TG: variants seen among roughly 807,000 people sequenced by gnomAD.
The protein encoded by TG is thyroglobulin.
Under a neutral mutation model 324.7 loss-of-function variants are expected in TG, and 270 were observed. The observed-to-expected ratio is 0.83, with a 90% CI of 0.75 to 0.92. TG has a LOEUF of 0.92. TG is among the 40% of genes least tolerant of loss of function. The probability of loss-of-function intolerance (pLI) is 0.00; values close to 1 mark genes in which losing one functional copy is unlikely to be tolerated. For synonymous variants in TG, 1,401 were observed against 1,327.0 expected (o/e 1.06, Z -1.21); for missense variants, 3,591 against 3,456.4 (o/e 1.04, Z -0.98).
At chr8:132,893,550 G>A in intron 10 of TG, 140 bp from the exon 11 acceptor site, 1 of 1,118,804 alleles carries the variant, frequency 8.9e-7, no homozygotes, top group South Asian at 1.3e-5. Context: ...GTGTAGGGGG[G>A]TGGTGTGTAT....
intron 8 of TG, 134 bp downstream of exon 8, chr8:132,883,133 G>C: frequency 1.1e-6 from 1 of 897,084 alleles, no homozygotes; most frequent in Non-Finnish European, 1.7e-6. Flanking sequence ...AGCTCAACCT[G>C]TCTGAGAACC....
intron 16 of TG, among the ~76,000 whole-genome samples, chr8:132,901,905 T>C (rs1248365326): frequency 6.6e-6 from 1 of 152,220 alleles, no homozygotes; most frequent in Non-Finnish European, 1.5e-5. Context: ...CCATCCTCAC[T>C]GAGGCACTTC....
chr8:133,067,075 C>T (rs1045924716), intron 41 of TG, among the ~76,000 whole-genome samples: 2 of 152,156 alleles, frequency 1.3e-5, no homozygotes, highest in Non-Finnish European at 2.9e-5. Context: ...TGTGGTCTGA[C>T]CCTTCCTTTC....
intron 41 of TG, among the ~76,000 whole-genome samples, chr8:133,067,848 GAGAGAGAA>G (rs1325935011): frequency 8.1e-6 from 1 of 123,500 alleles, no homozygotes; most frequent in African/African-American, 3.5e-5. Flanking sequence ...GAGACAGAGA[GAGAGAGAA>G]AGAAAGAAAG....
intron 45 of TG, among the ~76,000 whole-genome samples, chr8:133,123,776 G>T (rs1851321372): frequency 6.6e-6 from 1 of 152,214 alleles, no homozygotes; most frequent in South Asian, 2.1e-4. Context: ...GAGAGCACCG[G>T]TTTGTTCTCT....
intron 41 of TG, chr8:133,074,966 G>A (rs950165250): frequency 1.2e-5 from 12 of 985,354 alleles, no homozygotes; most frequent in African/African-American, 5.2e-5. Context: ...ACAGGCAGCC[G>A]GGCTTCTCGC....
At chr8:132,971,951 A>C in intron 33 of TG, 78 bp downstream of exon 33, 1 of 1,044,056 alleles carries the variant, frequency 9.6e-7, no homozygotes, top group East Asian at 2.4e-5. Context: ...CTATGCTTTT[A>C]CAAATCCTCA....
chr8:133,069,974 C>T lies in TG; in HGVS notation c.7240-25070C>T, dbSNP rs547687219. On this transcript the variant is annotated intron_variant, in intron 41 of 47. Transcript: ENST00000220616. ...CGAGATTGTGCCACTGAACTTCAGT[C>T]GGGGTGACAGAGCAAGGCTCCAGCT... 1.7e-4 allele frequency among the ~76,000 whole-genome samples: 20 copies of T among 117,506 alleles called. No homozygotes were observed. The East Asian group carries it at 5.1e-3, about 30-fold the overall frequency. 77.1% of individuals were successfully genotyped at this position (117,506 alleles called of 152,430 possible).
intron 37 of TG, among the ~76,000 whole-genome samples, chr8:133,017,409 T>C (rs1835138279): frequency 6.6e-6 from 1 of 152,040 alleles, no homozygotes; most frequent in Admixed American, 6.6e-5. Context: ...TGTTTAAAGG[T>C]GGGGCTGCAC....
intron 43 of TG, among the ~76,000 whole-genome samples, chr8:133,102,104 AT>A (rs1242678355): frequency 2.0e-5 from 3 of 152,330 alleles, no homozygotes; most frequent in Admixed American, 6.5e-5. Context: ...TTTTCCCTTA[AT>A]TTTTTAATTT....
At position 132,882,467 on chromosome 8, in the gene TG, A is replaced by G. The variant is rs1271393370; in HGVS notation, c.746-2A>G. The G allele has an allele frequency of 2.5e-6, 4 of 1,614,184 alleles. No homozygotes were observed. The highest frequency in any genetic ancestry group is 3.4e-6 in the Non-Finnish European group (4 of 1,180,024). On this transcript the variant is annotated splice_acceptor_variant, in intron 6 of 47. Transcript: ENST00000220616. LOFTEE classifies it high-confidence loss of function. Reference sequence around the variant, plus strand: ...TCTGAAAGTCTTGCTGTCTTTGCTCAGGTTTGGAGTTGTTACTGGATGAAA... The same window carrying G: ...TCTGAAAGTCTTGCTGTCTTTGCTCGGGTTTGGAGTTGTTACTGGATGAAA...
rs140929443 is a variant in TG, at chr8:133,016,714, G to A, written c.6563-1064G>A. Among the ~76,000 whole-genome samples, 8 of 152,254 alleles carry A rather than the reference G, an allele frequency of 5.3e-5. No homozygotes were observed. The East Asian group carries it at 7.7e-4, about 15-fold the overall frequency. On this transcript the variant is annotated intron_variant, in intron 37 of 47. Coordinates refer to ENST00000220616, the MANE Select transcript of TG (RefSeq NM_003235.5). ...AAGTATCTCTCCATGAGTGTTTACC[G>A]CTTCCTTTGTGCAGGGCTTTGAGTC...
At chr8:132,883,529 T>C (rs1246677515) in intron 8 of TG, among the ~76,000 whole-genome samples, 1 of 152,016 alleles carries the variant, frequency 6.6e-6, no homozygotes, top group African/African-American at 2.4e-5. Flanking sequence ...GCAAGAAGGA[T>C]AGAGAAAAAA....
intron 16 of TG, among the ~76,000 whole-genome samples, chr8:132,902,986 C>CTGA (rs1184626759): frequency 6.6e-6 from 1 of 152,166 alleles, no homozygotes; most frequent in Non-Finnish European, 1.5e-5. Context: ...GATGACAAAA[C>CTGA]TGAGGCTCAG....
chr8:133,045,619 T>A (rs981001647), intron 41 of TG, among the ~76,000 whole-genome samples: 1 of 152,112 alleles, frequency 6.6e-6, no homozygotes, highest in African/African-American at 2.4e-5. Context: ...GATCTCGAAC[T>A]CCTGGACTCA....
intron 41 of TG, chr8:133,037,427 C>G (rs1837295426): frequency 6.6e-6 from 1 of 152,138 alleles, no homozygotes; most frequent in African/African-American, 2.4e-5. Flanking sequence ...GTATCCATTT[C>G]TTTTCTAAAA....
At chr8:133,067,412 C>A (rs560945754) in intron 41 of TG, among the ~76,000 whole-genome samples, 2 of 152,308 alleles carry the variant, frequency 1.3e-5, no homozygotes, top group East Asian at 3.9e-4. Flanking sequence ...TCAGAGAGGA[C>A]ATGCAACTCC....
At chr8:132,904,399 T>C (rs1818374814) in intron 16 of TG, among the ~76,000 whole-genome samples, 1 of 152,226 alleles carries the variant, frequency 6.6e-6, no homozygotes, top group Non-Finnish European at 1.5e-5. Flanking sequence ...CCCCGTGGTA[T>C]AATTTTGGAA....
At chr8:132,948,215 G>A (rs556195398) in intron 26 of TG, among the ~76,000 whole-genome samples, 14 of 151,796 alleles carry the variant, frequency 9.2e-5, no homozygotes, top group Non-Finnish European at 1.6e-4. Context: ...TTGAATCTAA[G>A]TACTCCTTTA....
Sources: gnomAD v4.1 joint callset for allele counts (sites outside exome capture counted in the v4.1 genomes callset) on GRCh38, gnomAD v4.1.1 for gene constraint, MANE v1.5 for transcripts, NCBI Gene and HGNC (gene_info 2026-07-23, HGNC 2026-07-21) for gene names.